The following COL24A1 variants were observed in gnomAD, a reference collection of about 807,000 sequenced individuals.
The protein encoded by COL24A1 is collagen type XXIV alpha 1 chain.
COL24A1 carries 224 observed loss-of-function variants against 253.9 expected under a neutral mutation model. The ratio of observed to expected loss-of-function variants is 0.88; its 90% CI spans 0.79 to 0.99. COL24A1 has a LOEUF of 0.99. COL24A1 is among the 50% of genes least tolerant of loss of function. The pLI is 0.00. For synonymous variants in COL24A1, 685 were observed against 673.7 expected, an observed-to-expected ratio of 1.02 and a Z score of -0.26; for missense variants, 2,131 against 2,068.5, an observed-to-expected ratio of 1.03 and a Z score of -0.59.
At chr1:85,808,067 T>A (rs1672160606) in intron 47 of COL24A1, among the ~76,000 whole-genome samples, 1 of 152,180 alleles carries the variant, frequency 6.6e-6, no homozygotes, top group South Asian at 2.1e-4. Flanking sequence ...AGGCTACTAC[T>A]ATGGTAAGAT....
intron 19 of COL24A1, among the ~76,000 whole-genome samples, chr1:85,996,651 A>G (rs1384392027): frequency 2.0e-5 from 3 of 152,084 alleles, no homozygotes; most frequent in Non-Finnish European, 4.4e-5. Flanking sequence ...ACAAAACAAA[A>G]CAAAACAAAA....
At chr1:85,999,659 AAAAAG>A (rs926010595) in intron 19 of COL24A1, among the ~76,000 whole-genome samples, 5 of 142,496 alleles carry the variant, frequency 3.5e-5, no homozygotes, top group African/African-American at 5.1e-5. Context: ...AAATAAAATA[AAAAAG>A]AAAAGAAAAG....
At chr1:85,841,981 T>A in intron 41 of COL24A1, 87 bp downstream of exon 41, 1 of 1,194,732 alleles carries the variant, frequency 8.4e-7, no homozygotes, top group Non-Finnish European at 1.2e-6. Context: ...CTTTTATTCC[T>A]TGAAAATTTT....
At chr1:85,786,593 T>C (rs950727936) in intron 47 of COL24A1, 132 bp from the exon 48 acceptor site, 6 of 541,504 alleles carry the variant, frequency 1.1e-5, no homozygotes, top group Non-Finnish European at 1.8e-5. Context: ...TATCCTGGGC[T>C]TCTTTCCCAG....
At chr1:86,111,532 G>GCGCTCTGTAAAACAGACCA (rs1202589563) in intron 5 of COL24A1, among the ~76,000 whole-genome samples, 1 of 151,988 alleles carries the variant, frequency 6.6e-6, no homozygotes, top group African/African-American at 2.4e-5. Context: ...AAAACAGAGC[G>GCGCTCTGTAAAACAGACCA]ATCAGCTCTC....
chr1:86,036,397 T>C (rs1699025278), intron 12 of COL24A1, among the ~76,000 whole-genome samples: 1 of 152,140 alleles, frequency 6.6e-6, no homozygotes, highest in Non-Finnish European at 1.5e-5. Flanking sequence ...GTTGATCATG[T>C]ATTATCAATT....
chr1:85,780,242 T>C (rs17128290), intron 52 of COL24A1, among the ~76,000 whole-genome samples: 1,585 of 152,322 alleles, frequency 0.01, 59 homozygotes, highest in Admixed American at 0.064. Flanking sequence ...TCAAAGAGAA[T>C]AGTGGTACTA....
intron 46 of COL24A1, 75 bp downstream of exon 46, chr1:85,817,959 C>G (rs971035432): frequency 8.0e-7 from 1 of 1,255,566 alleles, no homozygotes; most frequent in Non-Finnish European, 1.2e-6. Context: ...ACAATTGGCC[C>G]CAAACTTTTC....
chr1:86,006,101 A>G (rs1266799518), intron 19 of COL24A1, among the ~76,000 whole-genome samples: 1 of 152,206 alleles, frequency 6.6e-6, no homozygotes, highest in Non-Finnish European at 1.5e-5. Flanking sequence ...AATGTGATCT[A>G]TAGATTCAAT....
intron 47 of COL24A1, among the ~76,000 whole-genome samples, chr1:85,793,955 AAG>A (rs2101697050): frequency 6.6e-6 from 1 of 152,292 alleles, no homozygotes; most frequent in African/African-American, 2.4e-5. Flanking sequence ...AAGAAACCCG[AAG>A]AGAGAGCAGA....
At chr1:85,764,455 TACACACACACAC>T (rs71075861) in intron 53 of COL24A1, among the ~76,000 whole-genome samples, 51,937 of 137,192 alleles carry the variant, frequency 0.38, 9,815 homozygotes, top group South Asian at 0.51. Flanking sequence ...AGGTGGAGGA[TACACACACACAC>T]ACACACACAC....
chr1:86,049,667 G>C (rs893640350), intron 11 of COL24A1, among the ~76,000 whole-genome samples: 2 of 151,940 alleles, frequency 1.3e-5, no homozygotes, highest in Non-Finnish European at 2.9e-5. Flanking sequence ...ATTTTGCAAA[G>C]GTTCTATCTT....
intron 47 of COL24A1, among the ~76,000 whole-genome samples, chr1:85,794,979 C>A (rs1670663819): frequency 6.6e-6 from 1 of 152,110 alleles, no homozygotes; most frequent in South Asian, 2.1e-4. Context: ...CCATGGCTTC[C>A]TAAGCCTTTG....
chr1:85,809,477 T>C (rs1459477926), intron 47 of COL24A1, among the ~76,000 whole-genome samples: 1 of 152,202 alleles, frequency 6.6e-6, no homozygotes, highest in Non-Finnish European at 1.5e-5. Context: ...GAGTCAATTA[T>C]GTCAGATTTC....
intron 3 of COL24A1, among the ~76,000 whole-genome samples, chr1:86,124,591 C>G (rs748378069): frequency 2.0e-5 from 3 of 151,876 alleles, no homozygotes; most frequent in Non-Finnish European, 4.4e-5. Flanking sequence ...AGTTTGCCCA[C>G]TACTTCACCA....
intron 35 of COL24A1, among the ~76,000 whole-genome samples, chr1:85,870,884 C>G (rs1680387586): frequency 6.6e-6 from 1 of 152,020 alleles, no homozygotes; most frequent in Admixed American, 6.6e-5. Context: ...AGAAAAAACC[C>G]TTCAAAAAAT....
At chr1:85,741,684 A>G (rs1364529277) in intron 57 of COL24A1, among the ~76,000 whole-genome samples, 1 of 152,196 alleles carries the variant, frequency 6.6e-6, no homozygotes, top group Non-Finnish European at 1.5e-5. Flanking sequence ...TGTCTCCTTT[A>G]AAGTCTCAGC....
intron 46 of COL24A1, 117 bp downstream of exon 46, chr1:85,817,917 A>T (rs2101938168): frequency 1.2e-6 from 1 of 858,446 alleles, no homozygotes; most frequent in Non-Finnish European, 1.9e-6. Flanking sequence ...TAATTTTTTT[A>T]AAAGACAATC....
Position 85,925,193 on chromosome 1 carries a change from A to G in COL24A1, c.2563-13760T>C, listed in dbSNP as rs990358862. 9.8e-5 allele frequency among the ~76,000 whole-genome samples: 15 copies of G among 152,332 alleles called. 1 individual carries two copies. The highest frequency in any genetic ancestry group is 3.6e-4 in the African/African-American group (15 of 41,566). ...AAAGAGGACACAAACAAATGGAAGA[A>G]CATTCCATGCTCATGGACAGGAAGA... On this transcript the variant is annotated intron_variant, in intron 24 of 59. Transcript: ENST00000370571.
Sources: allele counts gnomAD v4.1 joint callset (sites outside exome capture counted in the v4.1 genomes callset), GRCh38; gene constraint gnomAD v4.1.1; transcripts MANE v1.5; gene names NCBI Gene and HGNC (gene_info 2026-07-23, HGNC 2026-07-21).